Variants in FAM91A1 observed in about 807,000 individuals in gnomAD.
The protein encoded by FAM91A1 is protein FAM91A1.
FAM91A1 carries 41 observed loss-of-function variants against 113.5 expected under a neutral mutation model. The observed-to-expected ratio is 0.36, with a 90% confidence interval of 0.28 to 0.47. The LOEUF (loss-of-function observed/expected upper bound fraction) is 0.47. FAM91A1 is among the 20% of genes least tolerant of loss of function. The pLI is 1.00. For synonymous variants in FAM91A1, 307 were observed against 347.9 expected (o/e 0.88, Z 1.31); for missense variants, 696 against 1,001.2 (o/e 0.70, Z 4.11).
intron 18 of FAM91A1, among the ~76,000 whole-genome samples, chr8:123,801,224 A>G (rs1328965923): frequency 1.3e-5 from 2 of 152,066 alleles, no homozygotes; most frequent in African/African-American, 4.8e-5. Context: ...TTTGATTTAC[A>G]TTTTCCCGAA....
intron 15 of FAM91A1, 71 bp from the exon 16 acceptor site, chr8:123,798,019 A>G (rs1815574478): frequency 6.7e-7 from 1 of 1,489,898 alleles, no homozygotes. Context: ...AGTTATCAAT[A>G]TTGCATCTTC....
intron 13 of FAM91A1, 45 bp from the exon 14 acceptor site, chr8:123,787,619 A>T (rs1230789606): frequency 6.8e-6 from 10 of 1,467,100 alleles, no homozygotes; most frequent in Non-Finnish European, 9.4e-6. Context: ...TGCTTAGCAT[A>T]AAAAGGGAGA....
chr8:123,777,605 G>T (rs1390548309), intron 4 of FAM91A1, among the ~76,000 whole-genome samples: 1 of 152,220 alleles, frequency 6.6e-6, no homozygotes, highest in Non-Finnish European at 1.5e-5. Context: ...TGGGCTGTGT[G>T]TATATTGAAT....
intron 14 of FAM91A1, 55 bp downstream of exon 14, chr8:123,787,805 T>C: frequency 7.2e-6 from 10 of 1,385,802 alleles, no homozygotes; most frequent in Non-Finnish European, 1.0e-5. Flanking sequence ...CTGTCCTTGC[T>C]TGACAGAATG....
chr8:123,798,360 T>C, intron 16 of FAM91A1, 122 bp downstream of exon 16: 2 of 1,120,758 alleles, frequency 1.8e-6, no homozygotes, highest in Non-Finnish European at 2.5e-6. Flanking sequence ...TTTTGTATTT[T>C]ATGCCTTTGT....
intron 15 of FAM91A1, among the ~76,000 whole-genome samples, chr8:123,792,016 GAT>G (rs904458943): frequency 6.6e-6 from 1 of 151,900 alleles, no homozygotes; most frequent in Non-Finnish European, 1.5e-5. Context: ...GTTTACTAAA[GAT>G]ATAAAAATTA....
intron 14 of FAM91A1, among the ~76,000 whole-genome samples, 171 bp downstream of exon 14, chr8:123,787,921 T>C (rs1815297977): frequency 6.6e-6 from 1 of 152,174 alleles, no homozygotes; most frequent in Non-Finnish European, 1.5e-5. Context: ...CTTAAACATA[T>C]TGAGTGGGTG....
At chr8:123,808,210 T>G in intron 20 of FAM91A1, 62 bp from the exon 21 acceptor site, 1 of 1,335,468 alleles carries the variant, frequency 7.5e-7, no homozygotes, top group Non-Finnish European at 1.1e-6. Context: ...TTAGGACTGA[T>G]TTATTGGCAG....
chr8:123,797,993 T>C, intron 15 of FAM91A1, 97 bp from the exon 16 acceptor site: 4 of 1,383,350 alleles, frequency 2.9e-6, no homozygotes, highest in South Asian at 1.4e-5. Context: ...AAAAAGAAAA[T>C]TTAAAATCTT....
intron 14 of FAM91A1, among the ~76,000 whole-genome samples, chr8:123,788,438 T>C (rs1050413679): frequency 2.0e-5 from 3 of 152,110 alleles, no homozygotes; most frequent in Non-Finnish European, 2.9e-5. Flanking sequence ...ATGCACTGTT[T>C]AGAGAATTTG....
chr8:123,792,065 C>T (rs935649826), intron 15 of FAM91A1, among the ~76,000 whole-genome samples: 1 of 152,012 alleles, frequency 6.6e-6, no homozygotes, highest in Non-Finnish European at 1.5e-5. Flanking sequence ...ATCTTAGCTG[C>T]TCGGGAGGCT....
intron 15 of FAM91A1, among the ~76,000 whole-genome samples, chr8:123,791,083 G>A (rs964979293): frequency 2.0e-5 from 3 of 152,170 alleles, no homozygotes; most frequent in Non-Finnish European, 2.9e-5. Context: ...CTCTGTTAAA[G>A]CTGTCTTGAA....
chr8:123,812,577 A>G lies in FAM91A1; in HGVS notation c.2390A>G (p.Gln797Arg). Residue 797 changes from glutamine (Q) to arginine (R), a missense_variant, in exon 24 of 24, where the codon CAG (glutamine) becomes CGG (arginine). Transcript: ENST00000334705. ...TEPSFSSLLS[Q>R]SSCADMGVPL... ...CCCAGTTTTTCAAGTTTGCTTTCACAGTCATCGTGTGCTGACATGGGTGTT... is the reference window on the plus strand; with the variant it reads ...CCCAGTTTTTCAAGTTTGCTTTCACGGTCATCGTGTGCTGACATGGGTGTT... The G allele has an allele frequency of 6.2e-7, 1 of 1,603,834 alleles. No individual in the cohort carries two copies.
intron 2 of FAM91A1, among the ~76,000 whole-genome samples, chr8:123,774,503 C>G (rs1814931743): frequency 6.6e-6 from 1 of 151,898 alleles, no homozygotes; most frequent in Non-Finnish European, 1.5e-5. Flanking sequence ...TGGGTTGTCT[C>G]CATAAATTTT....
chr8:123,801,493 A>G (rs1429969485), intron 18 of FAM91A1, among the ~76,000 whole-genome samples: 1 of 152,274 alleles, frequency 6.6e-6, no homozygotes, highest in Non-Finnish European at 1.5e-5. Flanking sequence ...AGATTTCGTC[A>G]GTTCATCTAA....
rs1563646288 is a variant in FAM91A1 at position 123,799,595 on chromosome 8, C to T, written c.1636C>T (p.Pro546Ser). Residue 546 changes from proline (P) to serine (S), a missense_variant, in exon 17 of 24, where the codon CCA becomes TCA. Coordinates refer to ENST00000334705, the MANE Select transcript of FAM91A1 (RefSeq NM_144963.4). ...CATTTATCATGTCACTGGACAAGGA[C>T]CACCATCCCTTTTATTGTCCAAAGG... ...LYIYHVTGQG[P>S]PSLLLSKGTR... 1 of 1,614,072 alleles carries T rather than the reference C, an allele frequency of 6.2e-7. No homozygotes were observed. The highest frequency in any genetic ancestry group is 1.3e-5 in the African/African-American group (1 of 75,040).
Position 123,771,004 on chromosome 8 carries a change from C to T in FAM91A1, c.72+2230C>T, listed in dbSNP as rs117138758. 6.9e-4 allele frequency among the ~76,000 whole-genome samples: 105 copies of T among 152,318 alleles called. 2 individuals are homozygous for T. In the East Asian group the frequency reaches 0.019, roughly 28 times the overall value. ...CTTAGAATAGGACTTTCTCTGCATT[C>T]TTCATGCTACTCTGGGGGTGAGGCT... On this transcript the variant is annotated intron_variant, in intron 1 of 23. Transcript: ENST00000334705.
intron 1 of FAM91A1, among the ~76,000 whole-genome samples, chr8:123,770,823 T>C (rs1448299835): frequency 1.3e-5 from 2 of 152,210 alleles, no homozygotes; most frequent in Non-Finnish European, 2.9e-5. Context: ...TGAAAAACAG[T>C]GGCTATTTTA....
intron 8 of FAM91A1, among the ~76,000 whole-genome samples, chr8:123,783,054 T>TA (rs1382909510): frequency 1.3e-5 from 2 of 152,136 alleles, no homozygotes; most frequent in Non-Finnish European, 2.9e-5. Flanking sequence ...CATGTGGCTG[T>TA]AGTCCCAGCT....
Sources: allele counts gnomAD v4.1 joint callset (sites outside exome capture counted in the v4.1 genomes callset), GRCh38; gene constraint gnomAD v4.1.1; transcripts MANE v1.5; gene names NCBI Gene and HGNC (gene_info 2026-07-23, HGNC 2026-07-21).